Variants in MAP4K3 observed in about 807,000 individuals in gnomAD.
The protein encoded by MAP4K3 is MAPK/ERK kinase kinase kinase 3.
MAP4K3 carries 94 observed loss-of-function variants against 143.5 expected under a neutral mutation model. The ratio of observed to expected loss-of-function variants is 0.65; its 90% CI spans 0.55 to 0.78. The LOEUF (loss-of-function observed/expected upper bound fraction) is 0.78, where lower values mean the gene tolerates loss of function less well. Ranked by LOEUF, MAP4K3 falls within the 30% of genes least tolerant of loss-of-function variation. The pLI is 0.00. For missense variants in MAP4K3, 1,077 were observed against 1,068.1 expected, an observed-to-expected ratio of 1.01 and a Z score of -0.12; for synonymous variants, 416 against 347.2, an observed-to-expected ratio of 1.20 and a Z score of -2.20.
chr2:39,305,935 T>G (rs1244399042), intron 15 of MAP4K3, among the ~76,000 whole-genome samples: 1 of 152,084 alleles, frequency 6.6e-6, no homozygotes, highest in African/African-American at 2.4e-5. Context: ...GTTCAAGGAT[T>G]CTCCTGCCTC....
intron 2 of MAP4K3, among the ~76,000 whole-genome samples, chr2:39,358,175 T>C (rs192046213): frequency 3.9e-5 from 6 of 152,354 alleles, no homozygotes; most frequent in Admixed American, 3.3e-4. Context: ...GGGGTTTCTG[T>C]TACAGATAAC....
At chr2:39,387,886 T>C (rs960104622) in intron 1 of MAP4K3, among the ~76,000 whole-genome samples, 2 of 151,882 alleles carry the variant, frequency 1.3e-5, no homozygotes, top group African/African-American at 4.8e-5. Context: ...CTGGTCCTAA[T>C]AAAAAAAAAT....
At chr2:39,408,603 C>T (rs1667156165) in intron 1 of MAP4K3, among the ~76,000 whole-genome samples, 1 of 136,954 alleles carries the variant, frequency 7.3e-6, no homozygotes, top group African/African-American at 2.8e-5. Context: ...TTATGAGAGT[C>T]AGTCAAGGAA....
intron 15 of MAP4K3, among the ~76,000 whole-genome samples, chr2:39,304,296 AG>A (rs1017413028): frequency 1.3e-5 from 2 of 152,206 alleles, no homozygotes; most frequent in African/African-American, 4.8e-5. Flanking sequence ...TTATGTAGCA[AG>A]GTCTTTAAAG....
chr2:39,270,251 TG>T (rs1680956429), intron 26 of MAP4K3, among the ~76,000 whole-genome samples: 1 of 152,214 alleles, frequency 6.6e-6, no homozygotes, highest in Non-Finnish European at 1.5e-5. Flanking sequence ...AAATAAGAGT[TG>T]TGGGCAGTAC....
chr2:39,285,459 T>C (rs1406400092), intron 21 of MAP4K3, among the ~76,000 whole-genome samples: 1 of 152,212 alleles, frequency 6.6e-6, no homozygotes, highest in East Asian at 1.9e-4. Flanking sequence ...TTTTGTACTA[T>C]TATGTTAGCA....
chr2:39,362,344 A>T (rs919170605), intron 2 of MAP4K3, among the ~76,000 whole-genome samples: 1 of 152,200 alleles, frequency 6.6e-6, no homozygotes, highest in Non-Finnish European at 1.5e-5. Flanking sequence ...AAAGCTCTAA[A>T]GATTCCACAA....
At chr2:39,383,012 T>C (rs1238809759) in intron 1 of MAP4K3, among the ~76,000 whole-genome samples, 1 of 152,118 alleles carries the variant, frequency 6.6e-6, no homozygotes, top group Non-Finnish European at 1.5e-5. Flanking sequence ...CTATTTTGAG[T>C]GTACCAGGCC....
intron 1 of MAP4K3, among the ~76,000 whole-genome samples, chr2:39,405,753 A>G (rs1667076847): frequency 6.6e-6 from 1 of 152,122 alleles, no homozygotes; most frequent in African/African-American, 2.4e-5. Flanking sequence ...CTGTGGTCCC[A>G]TCTACGTGGG....
chr2:39,297,026 T>G (rs796928835), intron 16 of MAP4K3, among the ~76,000 whole-genome samples: 7 of 152,348 alleles, frequency 4.6e-5, no homozygotes, highest in African/African-American at 1.7e-4. Context: ...TGTAATTCAA[T>G]GTACTCTTTT....
In MAP4K3 at chr2:39,268,013, A is replaced by G. The variant is rs577809063; in HGVS notation, c.1974-766T>C. ...GAGCTATTTTTAGTACATGTAATAC[A>G]TTTACATGTACTGTAAAAAGCTGTC... On this transcript the variant is annotated intron_variant, in intron 26 of 33. Coordinates refer to ENST00000263881, the MANE Select transcript of MAP4K3 (RefSeq NM_003618.4). Among the ~76,000 whole-genome samples the G allele has an allele frequency of 2.6e-5, 4 of 152,270 alleles. No individual in the cohort carries two copies. In the South Asian group the frequency reaches 8.3e-4, roughly 32 times the overall value.
chr2:39,411,508 A>C (rs1667231878), intron 1 of MAP4K3, among the ~76,000 whole-genome samples: 1 of 152,242 alleles, frequency 6.6e-6, no homozygotes, highest in Non-Finnish European at 1.5e-5. Flanking sequence ...GTACAGGGAC[A>C]CAAAGATATG....
At chr2:39,412,338 C>T (rs11895366) in intron 1 of MAP4K3, among the ~76,000 whole-genome samples, 4,505 of 152,140 alleles carry the variant, frequency 0.03, 233 homozygotes, top group African/African-American at 0.1. Context: ...TGTCGTCCCC[C>T]AAAATATTTA....
At chr2:39,287,998 T>C (rs1344858156) in intron 20 of MAP4K3, 123 bp downstream of exon 20, 3 of 1,162,252 alleles carry the variant, frequency 2.6e-6, no homozygotes, top group African/African-American at 1.5e-5. Flanking sequence ...AACATCTCCA[T>C]AGCCACTGCT....
At chr2:39,284,231 G>C (rs551615549) in intron 21 of MAP4K3, among the ~76,000 whole-genome samples, 3 of 151,706 alleles carry the variant, frequency 2.0e-5, no homozygotes, top group Admixed American at 1.3e-4. Flanking sequence ...GCACGATATC[G>C]GGTCACTGCA....
intron 1 of MAP4K3, among the ~76,000 whole-genome samples, chr2:39,392,752 T>G (rs1666701510): frequency 6.6e-6 from 1 of 152,192 alleles, no homozygotes; most frequent in African/African-American, 2.4e-5. Flanking sequence ...TTGTTTATCT[T>G]GAGACTGAGT....
intron 1 of MAP4K3, among the ~76,000 whole-genome samples, chr2:39,389,399 T>A (rs1454296054): frequency 6.6e-6 from 1 of 152,100 alleles, no homozygotes; most frequent in Non-Finnish European, 1.5e-5. Flanking sequence ...ATGGCTGAAA[T>A]TTTTCCAGAA....
chr2:39,290,637 T>C (rs769588858), intron 18 of MAP4K3, among the ~76,000 whole-genome samples: 5 of 151,612 alleles, frequency 3.3e-5, no homozygotes, highest in South Asian at 2.1e-4. Flanking sequence ...AAGCAGAACA[T>C]AGGATACTAG....
intron 18 of MAP4K3, among the ~76,000 whole-genome samples, chr2:39,291,205 C>T (rs1019232030): frequency 6.6e-6 from 1 of 152,156 alleles, no homozygotes; most frequent in African/African-American, 2.4e-5. Flanking sequence ...CAGATCACTA[C>T]ATTATATGTA....
Sources: allele counts gnomAD v4.1 joint callset (sites outside exome capture counted in the v4.1 genomes callset), GRCh38; gene constraint gnomAD v4.1.1; transcripts MANE v1.5; gene names NCBI Gene and HGNC (gene_info 2026-07-23, HGNC 2026-07-21).